DGKB: variants seen among roughly 807,000 people sequenced by gnomAD.
The protein encoded by DGKB is 90 kDa diacylglycerol kinase.
In DGKB, 67 loss-of-function variants were observed where a neutral mutation model predicts 114.3. The observed-to-expected ratio is 0.59, with a 90% CI of 0.48 to 0.72. The LOEUF (loss-of-function observed/expected upper bound fraction) is 0.72. DGKB is among the 30% of genes least tolerant of loss of function. The pLI is 0.00. For missense variants in DGKB, 907 were observed against 975.2 expected (o/e 0.93, Z 0.93); for synonymous variants, 398 against 323.1 (o/e 1.23, Z -2.49).
At chr7:14,837,833 T>C (rs929788512) in intron 2 of DGKB, among the ~76,000 whole-genome samples, 8 of 152,206 alleles carry the variant, frequency 5.3e-5, no homozygotes, top group Non-Finnish European at 1.2e-4. Context: ...AAGAATAGGT[T>C]CTAATCATGA....
chr7:14,234,297 G>GA (rs551466316), intron 23 of DGKB, among the ~76,000 whole-genome samples: 9 of 150,872 alleles, frequency 6.0e-5, no homozygotes, highest in East Asian at 3.9e-4. Context: ...AGATTTAAAA[G>GA]AAAAAAAAAT....
chr7:14,459,679 T>C (rs553423683), intron 21 of DGKB, among the ~76,000 whole-genome samples: 6 of 152,296 alleles, frequency 3.9e-5, no homozygotes, highest in Admixed American at 1.3e-4. Context: ...CTCTTCAGGA[T>C]ATTATCCAGA....
intron 21 of DGKB, among the ~76,000 whole-genome samples, chr7:14,376,678 A>T (rs189551500): frequency 1.5e-3 from 232 of 151,922 alleles, no homozygotes; most frequent in African/African-American, 5.5e-3. Context: ...TAAAACCATG[A>T]CTCCCCCCAG....
Position 14,176,442 on chromosome 7 carries a change from G to A in DGKB, c.2304+397C>T, listed in dbSNP as rs946781830. The A allele has an allele frequency of 6.1e-6, 6 of 988,094 alleles. No homozygotes were observed. In the African/African-American group the frequency reaches 8.7e-5, roughly 14 times the overall value. 61.2% of individuals were successfully genotyped at this position (988,094 alleles called of 1,614,324 possible). ...CCAAATGGAGGCATAGAAAAGCTGA[G>A]AAATAAGTTCACATATAAGCTTAGG... On this transcript the variant is annotated intron_variant, in intron 25 of 25. Coordinates refer to ENST00000402815, the MANE Select transcript of DGKB (RefSeq NM_001350709.2).
chr7:14,368,946 A>G (rs867384399), intron 21 of DGKB, among the ~76,000 whole-genome samples: 3 of 151,924 alleles, frequency 2.0e-5, no homozygotes, highest in East Asian at 1.9e-4. Context: ...TTGTTTTTCA[A>G]TTTCTGGGAT....
At chr7:14,706,964 A>T in intron 6 of DGKB, among the ~76,000 whole-genome samples, 1 of 148,222 alleles carries the variant, frequency 6.7e-6, no homozygotes, top group Non-Finnish European at 1.5e-5. Flanking sequence ...AATAACTAAA[A>T]TCAGAGCAGA....
chr7:14,222,576 C>T (rs1246472080), intron 23 of DGKB, among the ~76,000 whole-genome samples: 2 of 151,322 alleles, frequency 1.3e-5, no homozygotes, highest in Non-Finnish European at 3.0e-5. Flanking sequence ...TTGATGTACA[C>T]TTGAAAAGAA....
In DGKB at chr7:14,696,901, T is replaced by C. The variant is rs150732212; in HGVS notation, c.591+1194A>G. Reference sequence around the variant, plus strand: ...ATGCTATCAGAGTTCTTGCAGCATATACTCATGCCATTATCCTGTTGTTTA... The same window carrying C: ...ATGCTATCAGAGTTCTTGCAGCATACACTCATGCCATTATCCTGTTGTTTA... On this transcript the variant is annotated intron_variant, in intron 8 of 25. Transcript: ENST00000402815. 2.6e-3 allele frequency among the ~76,000 whole-genome samples: 395 copies of C among 152,318 alleles called. 1 individual carries two copies. Among genetic ancestry groups the C allele is most frequent in the Admixed American group, 4.6e-3 (71 of 15,296 alleles).
chr7:14,485,339 C>T (rs1783640750), intron 20 of DGKB, among the ~76,000 whole-genome samples: 2 of 144,630 alleles, frequency 1.4e-5, no homozygotes, highest in South Asian at 2.2e-4. Context: ...GTGTGTGATT[C>T]GACAGGAACT....
chr7:14,672,458 T>A (rs1304765937), intron 13 of DGKB, among the ~76,000 whole-genome samples: 1 of 152,076 alleles, frequency 6.6e-6, no homozygotes, highest in Non-Finnish European at 1.5e-5. Flanking sequence ...AATAAAATTT[T>A]TTTTTTAAAA....
intron 23 of DGKB, among the ~76,000 whole-genome samples, chr7:14,264,655 A>G (rs1015743271): frequency 1.3e-5 from 2 of 152,212 alleles, no homozygotes; most frequent in African/African-American, 4.8e-5. Flanking sequence ...TAGAGAAGTC[A>G]TGTGGAGAAT....
At chr7:14,941,240 A>T (rs1343900465) in intron 1 of DGKB, among the ~76,000 whole-genome samples, 3 of 152,128 alleles carry the variant, frequency 2.0e-5, no homozygotes, top group Non-Finnish European at 4.4e-5. Context: ...TTGCAAAAAA[A>T]ATAAATTATT....
At chr7:14,918,846 C>T (rs2128246179) in intron 1 of DGKB, among the ~76,000 whole-genome samples, 1 of 152,008 alleles carries the variant, frequency 6.6e-6, no homozygotes, top group African/African-American at 2.4e-5. Context: ...GGGCGGATCA[C>T]GAGGTCGGGA....
intron 20 of DGKB, among the ~76,000 whole-genome samples, chr7:14,544,666 T>C (rs568421365): frequency 6.6e-6 from 1 of 152,306 alleles, no homozygotes; most frequent in South Asian, 2.1e-4. Context: ...TTCTCAATTA[T>C]ATTAGTCACA....
chr7:14,668,479 A>G (rs1449229528), intron 13 of DGKB, among the ~76,000 whole-genome samples: 1 of 152,158 alleles, frequency 6.6e-6, no homozygotes, highest in Non-Finnish European at 1.5e-5. Flanking sequence ...TGTACTATTC[A>G]TGGGACACTG....
At chr7:14,849,134 T>A (rs1849014213) in intron 1 of DGKB, among the ~76,000 whole-genome samples, 1 of 151,928 alleles carries the variant, frequency 6.6e-6, no homozygotes, top group Non-Finnish European at 1.5e-5. Context: ...AAAAGATTAT[T>A]TAGGAAATGT....
chr7:14,731,939 T>C (rs1830984342), intron 5 of DGKB, among the ~76,000 whole-genome samples: 1 of 152,150 alleles, frequency 6.6e-6, no homozygotes. Context: ...AGTAGTGACA[T>C]CATTTTTAAA....
intron 23 of DGKB, among the ~76,000 whole-genome samples, chr7:14,217,671 G>C (rs1200346737): frequency 6.7e-6 from 1 of 148,908 alleles, no homozygotes; most frequent in Admixed American, 6.7e-5. Flanking sequence ...AGATGCAAGT[G>C]AAAAAAAAAA....
At chr7:14,335,907 C>T (rs1044559771) in intron 23 of DGKB, among the ~76,000 whole-genome samples, 1 of 152,070 alleles carries the variant, frequency 6.6e-6, no homozygotes, top group African/African-American at 2.4e-5. Flanking sequence ...GCCTGTGCCA[C>T]CCACCAGGTG....
Sources: gnomAD v4.1 joint callset for allele counts (sites outside exome capture counted in the v4.1 genomes callset) on GRCh38, gnomAD v4.1.1 for gene constraint, MANE v1.5 for transcripts, NCBI Gene and HGNC (gene_info 2026-07-23, HGNC 2026-07-21) for gene names.